Variants in TCERG1L observed in about 807,000 individuals in gnomAD.
TCERG1L encodes the protein transcription elongation regulator 1 like.
In TCERG1L, 37 loss-of-function variants were observed where a neutral mutation model predicts 56.3. That is an observed-to-expected ratio of 0.66 (90% CI 0.51 to 0.87). TCERG1L has a LOEUF of 0.87. Ranked by LOEUF, TCERG1L falls within the 40% of genes least tolerant of loss-of-function variation. The pLI is 0.00. For synonymous variants in TCERG1L, 324 were observed against 326.3 expected (o/e 0.99, Z 0.08); for missense variants, 799 against 774.2 (o/e 1.03, Z -0.38).
At chr10:131,308,524 C>T (rs896284371) in intron 2 of TCERG1L, 133 bp from the exon 3 acceptor site, 1 of 737,370 alleles carries the variant, frequency 1.4e-6, no homozygotes, top group Admixed American at 3.0e-5. Flanking sequence ...CTCTATAAAA[C>T]CATCATTCTA....
intron 4 of TCERG1L, among the ~76,000 whole-genome samples, chr10:131,216,481 G>A (rs2133493577): frequency 6.6e-6 from 1 of 152,270 alleles, no homozygotes; most frequent in East Asian, 1.9e-4. Flanking sequence ...GGATAGACCT[G>A]CTTTGGAAAC....
chr10:131,286,667 G>C (rs1444691665), intron 3 of TCERG1L, among the ~76,000 whole-genome samples: 2 of 152,176 alleles, frequency 1.3e-5, no homozygotes, highest in Non-Finnish European at 2.9e-5. Context: ...GGATCCTTTA[G>C]CTATTCTCAT....
At chr10:131,171,336 C>T (rs899648205) in intron 4 of TCERG1L, among the ~76,000 whole-genome samples, 3 of 152,102 alleles carry the variant, frequency 2.0e-5, no homozygotes, top group South Asian at 2.1e-4. Flanking sequence ...GTGCCTGACC[C>T]GGGGTCAGGG....
At chr10:131,300,596 CCTT>C (rs1846751075) in intron 3 of TCERG1L, among the ~76,000 whole-genome samples, 1 of 152,082 alleles carries the variant, frequency 6.6e-6, no homozygotes, top group African/African-American at 2.4e-5. Context: ...ATGAAATTCT[CCTT>C]CTGTTCATTC....
chr10:131,146,732 T>TTTTTTAATGA, intron 6 of TCERG1L, 72 bp from the exon 7 acceptor site: 12 of 1,510,666 alleles, frequency 7.9e-6, no homozygotes, highest in South Asian at 2.7e-5. Context: ...GCATGAACTC[T>TTTTTTAATGA]CACTGAAAAA....
At chr10:131,167,078 G>T (rs1846039271) in intron 4 of TCERG1L, among the ~76,000 whole-genome samples, 193 bp from the exon 5 acceptor site, 1 of 152,242 alleles carries the variant, frequency 6.6e-6, no homozygotes, top group Non-Finnish European at 1.5e-5. Context: ...AAGCGAGGAT[G>T]CACCTGACAA....
At chr10:131,246,124 G>A (rs1243232598) in intron 4 of TCERG1L, among the ~76,000 whole-genome samples, 1 of 152,204 alleles carries the variant, frequency 6.6e-6, no homozygotes, top group Non-Finnish European at 1.5e-5. Context: ...CCCATCCCCT[G>A]GCTGGAGGGG....
chr10:131,141,775 T>C (rs1845741441), intron 7 of TCERG1L, among the ~76,000 whole-genome samples: 1 of 152,126 alleles, frequency 6.6e-6, no homozygotes, highest in Admixed American at 6.5e-5. Flanking sequence ...TATTCTAGCA[T>C]CTCTCTTTCT....
Position 131,311,329 on chromosome 10 carries a change from C to CGGG in TCERG1L, c.306_307insCCC (p.Ala102_Ala103insPro), listed in dbSNP as rs1846893731. The CGGG allele has an allele frequency of 8.3e-7, 1 of 1,206,436 alleles. No homozygotes were observed. The highest frequency in any genetic ancestry group is 1.0e-6 in the Non-Finnish European group (1 of 972,454). 74.7% of individuals were successfully genotyped at this position (1,206,436 alleles called of 1,614,324 possible). On this transcript the variant is annotated inframe_insertion, in exon 1 of 12. Transcript: ENST00000368642. This position sits in a 1 kb window ranked among gnomAD's most constrained non-coding sequence, Gnocchi z 4.0. ...AGCGCGGGGAAGGGGTGCGCGGCGGCGGCGGCGGCGGAGTCTGGCGCAGAG... is the reference window on the plus strand; with the variant it reads ...AGCGCGGGGAAGGGGTGCGCGGCGGCGGGGGCGGCGGCGGAGTCTGGCGCAGAG...
At position 131,134,375 on chromosome 10, in the gene TCERG1L, C is replaced by A; in HGVS notation, c.1259+4G>T. On this transcript the variant is annotated splice_donor_region_variant and intron_variant, in intron 8 of 11. Coordinates refer to ENST00000368642, the MANE Select transcript of TCERG1L (RefSeq NM_174937.4). ...ATCTGCTGGGGAAGAGCACGGCCACCTACCGGTTCCTCTTGGTTTTCACAT... is the reference window on the plus strand; with the variant it reads ...ATCTGCTGGGGAAGAGCACGGCCACATACCGGTTCCTCTTGGTTTTCACAT... 6.3e-7 allele frequency: 1 copy of A among 1,584,174 alleles called. No homozygotes were observed. The highest frequency in any genetic ancestry group is 2.3e-5 in the East Asian group (1 of 43,682).
intron 4 of TCERG1L, among the ~76,000 whole-genome samples, chr10:131,205,528 G>A (rs887573707): frequency 6.6e-6 from 1 of 152,192 alleles, no homozygotes; most frequent in African/African-American, 2.4e-5. Context: ...TCACATTAGG[G>A]AATTTTGTAA....
intron 2 of TCERG1L, 114 bp downstream of exon 2, chr10:131,309,039 A>AG: frequency 2.4e-6 from 3 of 1,225,680 alleles, no homozygotes; most frequent in Non-Finnish European, 3.3e-6. Context: ...TTCTATACCT[A>AG]GATGGCCAAT....
chr10:131,226,549 T>C (rs1436401558), intron 4 of TCERG1L, among the ~76,000 whole-genome samples: 1 of 152,186 alleles, frequency 6.6e-6, no homozygotes. Flanking sequence ...GCCATGACGA[T>C]TAGCATTCAG....
At chr10:131,170,066 G>A (rs920707175) in intron 4 of TCERG1L, among the ~76,000 whole-genome samples, 7 of 152,058 alleles carry the variant, frequency 4.6e-5, no homozygotes, top group Admixed American at 6.6e-5. Flanking sequence ...CACACACCCC[G>A]GAATACCTGC....
chr10:131,116,141 C>T (rs937088573), intron 9 of TCERG1L, among the ~76,000 whole-genome samples: 3 of 152,160 alleles, frequency 2.0e-5, no homozygotes, highest in Non-Finnish European at 4.4e-5. Context: ...ATACCCAAAG[C>T]CAAAGCAGGA....
intron 3 of TCERG1L, among the ~76,000 whole-genome samples, chr10:131,263,583 C>CCCATACATT (rs1846253956): frequency 6.6e-6 from 1 of 152,182 alleles, no homozygotes; most frequent in South Asian, 2.1e-4. Context: ...AGGCACGTGC[C>CCCATACATT]CCATACATTT....
chr10:131,181,204 AGGGCCACTG>A (rs1845171930), intron 4 of TCERG1L, among the ~76,000 whole-genome samples: 1 of 98,910 alleles, frequency 1.0e-5, no homozygotes, highest in African/African-American at 4.1e-5. Context: ...CTGGAGCCTG[AGGGCCACTG>A]GGGCCAGAAA....
chr10:131,283,974 T>G (rs1338907961), intron 3 of TCERG1L, among the ~76,000 whole-genome samples: 1 of 151,810 alleles, frequency 6.6e-6, no homozygotes, highest in African/African-American at 2.4e-5. Context: ...AATTCAAAAA[T>G]TAGCCAGGCA....
intron 4 of TCERG1L, among the ~76,000 whole-genome samples, chr10:131,237,860 C>T (rs966381795): frequency 1.3e-5 from 2 of 152,168 alleles, no homozygotes; most frequent in African/African-American, 4.8e-5. Context: ...TCTTTGATCA[C>T]ATTGACTGAG....
Sources: allele counts gnomAD v4.1 joint callset (sites outside exome capture counted in the v4.1 genomes callset), GRCh38; gene constraint gnomAD v4.1.1; non-coding constraint Gnocchi (gnomAD v3.1); transcripts MANE v1.5; gene names NCBI Gene and HGNC (gene_info 2026-07-23, HGNC 2026-07-21).